DSCAM: variants seen among roughly 807,000 people sequenced by gnomAD.
DSCAM encodes DS cell adhesion molecule, also known as cell adhesion molecule DSCAM.
DSCAM carries 47 observed loss-of-function variants against 217.7 expected under a neutral mutation model. The observed-to-expected ratio is 0.22, with a 90% CI of 0.17 to 0.28. DSCAM has a LOEUF of 0.28. DSCAM is among the 10% of genes least tolerant of loss of function. The probability of loss-of-function intolerance (pLI) is 1.00; values close to 1 mark genes in which losing one functional copy is unlikely to be tolerated. For synonymous variants in DSCAM, 1,056 were observed against 1,015.3 expected (o/e 1.04, Z -0.76); for missense variants, 2,080 against 2,618.3 (o/e 0.79, Z 4.49).
chr21:40,800,030 T>A (rs186595432), intron 1 of DSCAM, among the ~76,000 whole-genome samples: 1 of 152,282 alleles, frequency 6.6e-6, no homozygotes, highest in Admixed American at 6.5e-5. Flanking sequence ...AGTGGATTAA[T>A]AGATTATCAC....
In DSCAM at chr21:40,111,323, T is replaced by C. The variant is rs571281190; in HGVS notation, c.3696+12872A>G. On this transcript the variant is annotated intron_variant, in intron 20 of 32. Transcript: ENST00000400454. ...TCATATCCAGCCAAACTAAGCTTCA[T>C]AAGTGAAGGAGAAATAAAATACTTT... Among the ~76,000 whole-genome samples the C allele has an allele frequency of 7.7e-4, 117 of 151,876 alleles. 1 individual carries two copies. Among genetic ancestry groups the C allele is most frequent in the Admixed American group, 1.4e-3 (22 of 15,228 alleles).
At chr21:40,596,203 C>A (rs1297370723) in intron 3 of DSCAM, among the ~76,000 whole-genome samples, 3 of 152,102 alleles carry the variant, frequency 2.0e-5, no homozygotes, top group Admixed American at 1.3e-4. Flanking sequence ...ACAGGTACTA[C>A]CTAGAAAAGT....
chr21:40,261,200 C>T (rs1024423889), intron 11 of DSCAM, among the ~76,000 whole-genome samples: 2 of 152,180 alleles, frequency 1.3e-5, no homozygotes, highest in African/African-American at 2.4e-5. Context: ...TAAATATCTG[C>T]TATGGTTTGA....
rs41450748 is a variant in DSCAM, at chr21:40,353,555, T to C, written c.844A>G (p.Asn282Asp). Residue 282 changes from asparagine to aspartate, a missense_variant, in exon 5 of 33, where the codon AAC becomes GAC. Coordinates refer to ENST00000400454, the MANE Select transcript of DSCAM (RefSeq NM_001389.5). ...QKTVTGLLIENIRPSDSGSYV... is the reference protein window; with the variant it reads ...QKTVTGLLIEDIRPSDSGSYV... ...CTGCCTGAGTCCGAGGGGCGAATGT[T>C]CTCAATGAGCAGCCCCGTCACGGTC... is the stretch of plus-strand genomic sequence containing the variant. The C allele has an allele frequency of 2.5e-6, 4 of 1,611,298 alleles. No homozygotes were observed. The East Asian group carries it at 8.9e-5, about 36-fold the overall frequency.
intron 1 of DSCAM, among the ~76,000 whole-genome samples, chr21:40,777,679 C>A (rs1303770068): frequency 6.6e-6 from 1 of 151,812 alleles, no homozygotes. Flanking sequence ...AATGAGAAGA[C>A]TAAATAGATA....
chr21:40,204,843 A>G (rs923579244), intron 11 of DSCAM, among the ~76,000 whole-genome samples: 2 of 152,190 alleles, frequency 1.3e-5, no homozygotes, highest in East Asian at 1.9e-4. Context: ...ACACAGTCAC[A>G]TGTGCAACTA....
At chr21:40,473,010 G>C (rs1300264913) in intron 3 of DSCAM, among the ~76,000 whole-genome samples, 1 of 152,144 alleles carries the variant, frequency 6.6e-6, no homozygotes, top group African/African-American at 2.4e-5. Flanking sequence ...CCCTGGCAAA[G>C]CGGACGGTCC....
At chr21:40,256,948 G>A (rs1212270300) in intron 11 of DSCAM, among the ~76,000 whole-genome samples, 1 of 152,104 alleles carries the variant, frequency 6.6e-6, no homozygotes, top group African/African-American at 2.4e-5. Context: ...ACAACTGAAA[G>A]CACACAAACC....
intron 10 of DSCAM, among the ~76,000 whole-genome samples, chr21:40,288,640 G>T (rs894651960): frequency 1.3e-5 from 2 of 152,172 alleles, no homozygotes; most frequent in African/African-American, 4.8e-5. Context: ...AGACAATAAG[G>T]TATCGCAAAT....
intron 3 of DSCAM, among the ~76,000 whole-genome samples, chr21:40,516,375 G>A (rs1357671513): frequency 6.6e-6 from 1 of 152,078 alleles, no homozygotes; most frequent in Non-Finnish European, 1.5e-5. Context: ...CTCAGACCAT[G>A]GAAACAATGT....
chr21:40,411,430 C>T (rs747809696), intron 3 of DSCAM, among the ~76,000 whole-genome samples: 10 of 151,996 alleles, frequency 6.6e-5, no homozygotes, highest in Non-Finnish European at 1.5e-4. Flanking sequence ...CCAACATTGT[C>T]AATAATCACA....
At chr21:40,523,794 C>T (rs2076378595) in intron 3 of DSCAM, among the ~76,000 whole-genome samples, 1 of 152,016 alleles carries the variant, frequency 6.6e-6, no homozygotes, top group Non-Finnish European at 1.5e-5. Flanking sequence ...CACACAGTAA[C>T]ACACAAACAC....
chr21:40,749,188 A>G (rs1375308508), intron 1 of DSCAM, among the ~76,000 whole-genome samples: 1 of 152,214 alleles, frequency 6.6e-6, no homozygotes, highest in Non-Finnish European at 1.5e-5. Context: ...GACAACCTCA[A>G]AAGCACAGAC....
intron 32 of DSCAM, among the ~76,000 whole-genome samples, chr21:40,031,693 C>T (rs1048706020): frequency 2.0e-5 from 3 of 152,116 alleles, no homozygotes; most frequent in Non-Finnish European, 2.9e-5. Context: ...TAAAGCCACA[C>T]GAAGGCCCAG....
intron 1 of DSCAM, among the ~76,000 whole-genome samples, chr21:40,821,637 A>G (rs1238940858): frequency 2.6e-5 from 4 of 152,134 alleles, no homozygotes; most frequent in African/African-American, 9.7e-5. Context: ...ATGGCTGCAT[A>G]GTATTCCGTG....
chr21:40,194,982 T>A (rs2090992094), intron 11 of DSCAM, among the ~76,000 whole-genome samples: 1 of 152,212 alleles, frequency 6.6e-6, no homozygotes. Flanking sequence ...ACTATATTAA[T>A]AATTTTAAAG....
intron 1 of DSCAM, 146 bp from the exon 2 acceptor site, chr21:40,708,917 A>G: frequency 5.3e-6 from 3 of 564,044 alleles, no homozygotes; most frequent in Non-Finnish European, 8.4e-6. Context: ...ATTTTCTGAA[A>G]ATGCTGTGAG....
intron 3 of DSCAM, among the ~76,000 whole-genome samples, chr21:40,405,246 A>C (rs532246378): frequency 1.4e-4 from 21 of 152,336 alleles, no homozygotes; most frequent in African/African-American, 4.6e-4. Context: ...TTCATGCATT[A>C]AACTGGGATC....
chr21:40,770,658 C>T (rs1231946963), intron 1 of DSCAM, among the ~76,000 whole-genome samples: 3 of 152,146 alleles, frequency 2.0e-5, no homozygotes, highest in Non-Finnish European at 4.4e-5. Flanking sequence ...AGCTCTAAAC[C>T]TTATTTGTGT....
Sources: allele counts gnomAD v4.1 joint callset (sites outside exome capture counted in the v4.1 genomes callset), GRCh38; gene constraint gnomAD v4.1.1; transcripts MANE v1.5; gene names NCBI Gene and HGNC (gene_info 2026-07-23, HGNC 2026-07-21).